The following RAI1 variants were observed in gnomAD, a reference collection of about 807,000 sequenced individuals.
RAI1 encodes retinoic acid-induced protein 1.
Under a neutral mutation model 123.8 loss-of-function variants are expected in RAI1, and 9 were observed. The ratio of observed to expected loss-of-function variants is 0.07; its 90% CI spans 0.04 to 0.13. RAI1 has a LOEUF of 0.13. Ranked by LOEUF, RAI1 falls within the 10% of genes least tolerant of loss-of-function variation. The pLI is 1.00. For synonymous variants in RAI1, 1,231 were observed against 1,127.3 expected, an observed-to-expected ratio of 1.09 and a Z score of -1.84; for missense variants, 2,256 against 2,545.8, an observed-to-expected ratio of 0.89 and a Z score of 2.45.
intron 2 of RAI1, among the ~76,000 whole-genome samples, chr17:17,750,513 A>C (rs140202962): frequency 6.6e-6 from 1 of 151,700 alleles, no homozygotes; most frequent in Non-Finnish European, 1.5e-5. Context: ...CCTGAGGTCG[A>C]GAGTTTGAGA....
chr17:17,778,975 G>T (rs1158449957), intron 2 of RAI1: 1 of 448,902 alleles, frequency 2.2e-6, no homozygotes. Context: ...ACCGCAGAAA[G>T]TATTCTGTTC....
chr17:17,699,756 T>G (rs1013010939), intron 1 of RAI1, among the ~76,000 whole-genome samples: 11 of 152,226 alleles, frequency 7.2e-5, no homozygotes, highest in African/African-American at 2.7e-4. Context: ...TGGAGATGGC[T>G]ACTGTCTGCC....
At chr17:17,751,832 C>T (rs1299696391) in intron 2 of RAI1, among the ~76,000 whole-genome samples, 1 of 152,176 alleles carries the variant, frequency 6.6e-6, no homozygotes, top group East Asian at 1.9e-4. Flanking sequence ...GCGAATGTTT[C>T]CCCCAGAGCA....
At position 17,809,338 on chromosome 17, in the gene RAI1, G is replaced by A; in HGVS notation, c.5660-52G>A. The A allele has an allele frequency of 6.6e-7, 1 of 1,519,774 alleles. No homozygotes were observed. The highest frequency in any genetic ancestry group is 9.1e-7 in the Non-Finnish European group (1 of 1,094,762). The allele number at this position is 1,519,774 out of a possible 1,614,324, so 94.1% of individuals were successfully genotyped here. ...TCCTGGCTGCAGACAAAACCCCACA[G>A]CTGTGGGGCCCCCACCCTGTCCTAA... On this transcript the variant is annotated intron_variant, in intron 4 of 5. Transcript: ENST00000353383. The surrounding 1 kb of genome is among the most constrained non-coding windows in gnomAD (Gnocchi z 4.9).
chr17:17,786,546 G>A (rs1428970313), intron 2 of RAI1, among the ~76,000 whole-genome samples: 1 of 151,820 alleles, frequency 6.6e-6, no homozygotes, highest in Non-Finnish European at 1.5e-5. Flanking sequence ...GAAGGTGACA[G>A]AGGTGACAGA....
chr17:17,711,270 CAGCACCCCTGG>C (rs895381849), intron 1 of RAI1, among the ~76,000 whole-genome samples: 3 of 152,330 alleles, frequency 2.0e-5, no homozygotes, highest in African/African-American at 7.2e-5. Flanking sequence ...CTGGCTGCCG[CAGCACCCCTGG>C]AGCACCCGTC....
intron 1 of RAI1, among the ~76,000 whole-genome samples, chr17:17,718,941 C>T (rs1009873502): frequency 3.0e-4 from 46 of 152,326 alleles, no homozygotes; most frequent in African/African-American, 1.0e-3. Flanking sequence ...ACCAGCCCCA[C>T]TAGCATGAAT....
intron 2 of RAI1, among the ~76,000 whole-genome samples, chr17:17,732,031 A>T (rs1327370931): frequency 6.6e-6 from 1 of 151,622 alleles, no homozygotes; most frequent in African/African-American, 2.4e-5. Flanking sequence ...ACCTGGAACC[A>T]TCGTGTTCAG....
Position 17,703,787 on chromosome 17 carries a change from T to C in RAI1, c.-148-20241T>C, listed in dbSNP as rs1369391718. ...TCCCAAAGTGCTAAGATTACAGGCA[T>C]GAGCCTTCATGCCTAGCTGGGACTG... is the stretch of plus-strand genomic sequence containing the variant. On this transcript the variant is annotated intron_variant, in intron 1 of 5. Transcript: ENST00000353383. Among the ~76,000 whole-genome samples, 2 of 152,194 alleles carry C rather than the reference T, an allele frequency of 1.3e-5. 1 individual carries two copies. The highest frequency in any genetic ancestry group is 2.9e-5 in the Non-Finnish European group (2 of 68,026).
chr17:17,747,681 G>A (rs982527698), intron 2 of RAI1, among the ~76,000 whole-genome samples: 1 of 152,184 alleles, frequency 6.6e-6, no homozygotes, highest in East Asian at 1.9e-4. Flanking sequence ...GTGCTTAGTC[G>A]CTTCTAGATG....
In RAI1 at chr17:17,810,106, CTTGATCCGGGTCCCGGATCG is replaced by C. The variant is rs974162674; in HGVS notation, c.*127_*146del. On this transcript the variant is annotated 3_prime_UTR_variant, in exon 6 of 6. Coordinates refer to ENST00000353383, the MANE Select transcript of RAI1 (RefSeq NM_030665.4). This position sits in a 1 kb window ranked among gnomAD's most constrained non-coding sequence, Gnocchi z 4.6. ...TCCCAGCGCTGGTCCAGAGCCGATC[CTTGATCCGGGTCCCGGATCG>C]TGGATCCGGCCGCCTAGGGCTCAGA... 1 of 1,321,634 alleles carries C rather than the reference CTTGATCCGGGTCCCGGATCG, an allele frequency of 7.6e-7. No homozygotes were observed. 81.9% of individuals were successfully genotyped at this position (1,321,634 alleles called of 1,614,324 possible). A position where few individuals can be genotyped will look rare whatever the true frequency, so the allele number is the denominator to read the frequency against.
intron 2 of RAI1, among the ~76,000 whole-genome samples, chr17:17,753,158 C>G (rs567138160): frequency 5.3e-5 from 8 of 152,318 alleles, no homozygotes; most frequent in African/African-American, 1.9e-4. Flanking sequence ...TGGTGAATGG[C>G]CTACTGTGCT....
chr17:17,792,913 C>T lies in RAI1; in HGVS notation c.-16-20C>T. On this transcript the variant is annotated intron_variant, in intron 2 of 5. Coordinates refer to ENST00000353383, the MANE Select transcript of RAI1 (RefSeq NM_030665.4). ...CCTCCCTCCTTCCCTCCCTCCCTCC[C>T]TTCCTTTTTCTTTTCACAGATAACC... The T allele has an allele frequency of 6.7e-7, 1 of 1,492,294 alleles. No homozygotes were observed. The highest frequency in any genetic ancestry group is 9.3e-7 in the Non-Finnish European group (1 of 1,074,174). The allele number at this position is 1,492,294 out of a possible 1,614,324, so 92.4% of individuals were successfully genotyped here. A position where few individuals can be genotyped will look rare whatever the true frequency, so the allele number is the denominator to read the frequency against.
intron 2 of RAI1, among the ~76,000 whole-genome samples, chr17:17,732,045 T>G (rs895011045): frequency 6.6e-6 from 1 of 151,716 alleles, no homozygotes; most frequent in Non-Finnish European, 1.5e-5. Flanking sequence ...TGTTCAGAGC[T>G]TCCTCTCGGT....
chr17:17,782,145 G>C (rs926610533), intron 2 of RAI1: 1 of 151,376 alleles, frequency 6.6e-6, no homozygotes, highest in African/African-American at 2.4e-5. Flanking sequence ...AGATTTAGCC[G>C]TGCGATGCCC....
At chr17:17,692,142 G>T (rs1914859550) in intron 1 of RAI1, among the ~76,000 whole-genome samples, 1 of 152,168 alleles carries the variant, frequency 6.6e-6, no homozygotes, top group Non-Finnish European at 1.5e-5. Context: ...CTGTCCCCTG[G>T]GGCCCCTGCC....
chr17:17,770,441 T>TA (rs565911732), intron 2 of RAI1, among the ~76,000 whole-genome samples: 121 of 152,230 alleles, frequency 7.9e-4, no homozygotes, highest in African/African-American at 2.8e-3. Context: ...TGCGTGTGCA[T>TA]AAAAAAGACA....
intron 1 of RAI1, among the ~76,000 whole-genome samples, chr17:17,694,793 C>G (rs1914960330): frequency 6.7e-6 from 1 of 150,208 alleles, no homozygotes; most frequent in African/African-American, 2.4e-5. Flanking sequence ...GTCGCCATGG[C>G]AGCGCCCGGC....
intron 2 of RAI1, among the ~76,000 whole-genome samples, chr17:17,752,669 CCCCGGGGGCCGA>C (rs1290710898): frequency 6.6e-6 from 1 of 152,128 alleles, no homozygotes; most frequent in Non-Finnish European, 1.5e-5. Flanking sequence ...GCAGACGTGT[CCCCGGGGGCCGA>C]CCACCTTACT....
Sources: allele counts gnomAD v4.1 joint callset (sites outside exome capture counted in the v4.1 genomes callset), GRCh38; gene constraint gnomAD v4.1.1; non-coding constraint Gnocchi (gnomAD v3.1); transcripts MANE v1.5; gene names NCBI Gene and HGNC (gene_info 2026-07-23, HGNC 2026-07-21).